Variants in SLF2 observed in about 807,000 individuals in gnomAD.
The protein encoded by SLF2 is SMC5-SMC6 complex localization factor protein 2.
Under a neutral mutation model 124.3 loss-of-function variants are expected in SLF2, and 68 were observed. The observed-to-expected ratio is 0.55, with a 90% CI of 0.45 to 0.67. The LOEUF (loss-of-function observed/expected upper bound fraction) is 0.67, where lower values mean the gene tolerates loss of function less well. SLF2 is among the 30% of genes least tolerant of loss of function. SLF2 has a pLI of 0.00. For missense variants in SLF2, 1,246 were observed against 1,373.7 expected, an observed-to-expected ratio of 0.91 and a Z score of 1.47; for synonymous variants, 480 against 478.8, an observed-to-expected ratio of 1.00 and a Z score of -0.03.
chr10:100,935,670 ACT>A lies in SLF2; in HGVS notation c.2437-1729_2437-1728del, dbSNP rs1482046132. ...ACTCCAGCCTGGGCAACAGAGTGAGACTCTGTCTCAAAAAAAAAAGGTATATT... is the reference window on the plus strand; with the variant it reads ...ACTCCAGCCTGGGCAACAGAGTGAGACTGTCTCAAAAAAAAAAGGTATATT... On this transcript the variant is annotated intron_variant, in intron 9 of 19. Transcript: ENST00000238961. Among the ~76,000 whole-genome samples, 4 of 151,476 alleles carry A rather than the reference ACT, an allele frequency of 2.6e-5. No homozygotes were observed. In the East Asian group the frequency reaches 7.8e-4, roughly 30 times the overall value.
chr10:100,936,193 C>T (rs990874560), intron 9 of SLF2, among the ~76,000 whole-genome samples: 2 of 151,652 alleles, frequency 1.3e-5, no homozygotes, highest in African/African-American at 4.8e-5. Context: ...ATTACACTCA[C>T]CTGAGGCATT....
chr10:100,928,432 T>C (rs1193996460), intron 6 of SLF2, among the ~76,000 whole-genome samples: 1 of 152,196 alleles, frequency 6.6e-6, no homozygotes, highest in African/African-American at 2.4e-5. Context: ...ATCTGTGATA[T>C]GAAATCTGAA....
chr10:100,949,257 A>T (rs1470516003), intron 15 of SLF2, among the ~76,000 whole-genome samples: 2 of 152,236 alleles, frequency 1.3e-5, no homozygotes, highest in African/African-American at 4.8e-5. Flanking sequence ...CCTTCAAAAG[A>T]GATCCGGGGA....
chr10:100,937,147 A>G (rs986345683), intron 9 of SLF2, among the ~76,000 whole-genome samples: 1 of 151,872 alleles, frequency 6.6e-6, no homozygotes, highest in African/African-American at 2.4e-5. Context: ...CCAGTCCTCC[A>G]CTACAGGTGT....
rs767852749 is a variant in SLF2 at position 100,947,048 on chromosome 10, C to G, written c.2944C>G (p.Leu982Val). The change falls in exon 14 of 20, where the codon CTC becomes GTC. Residue 982 changes from leucine (L) to valine (V), a missense_variant. Coordinates refer to ENST00000238961, the MANE Select transcript of SLF2 (RefSeq NM_018121.4). ...TGTTCTTTTTTTTCAGGTGCCTGAA[C>G]TCTGTCTGGGCATAAATGAACTCTC... The part of the protein sequence containing the change: ...IRDWNTKVPE[L>V]CLGINELSSH... The G allele has an allele frequency of 6.2e-7, 1 of 1,613,108 alleles. No individual in the cohort carries two copies. The highest frequency in any genetic ancestry group is 8.5e-7 in the Non-Finnish European group (1 of 1,179,466).
Position 100,956,544 on chromosome 10 carries a change from G to A in SLF2, c.3417+7G>A. On this transcript the variant is annotated splice_region_variant and intron_variant, in intron 18 of 19. Transcript: ENST00000238961. ...ACTTTTTTACAGAACTAAGGTAAGT[G>A]TGTTCTTTCTTTTTTTCTTTTTTTT... 1 of 1,565,504 alleles carries A rather than the reference G, an allele frequency of 6.4e-7. No homozygotes were observed. Among genetic ancestry groups the A allele is most frequent in the Non-Finnish European group, 8.6e-7 (1 of 1,156,926 alleles).
intron 15 of SLF2, among the ~76,000 whole-genome samples, chr10:100,949,797 C>T (rs879911038): frequency 1.3e-5 from 2 of 151,942 alleles, no homozygotes; most frequent in Admixed American, 6.6e-5. Flanking sequence ...GGTTTCTCCA[C>T]GTTGGCCAGG....
intron 1 of SLF2, among the ~76,000 whole-genome samples, chr10:100,914,624 T>C (rs1259705400): frequency 6.6e-6 from 1 of 152,232 alleles, no homozygotes; most frequent in Non-Finnish European, 1.5e-5. Context: ...GGTATCATCC[T>C]TCTTCCCTTT....
intron 4 of SLF2, among the ~76,000 whole-genome samples, chr10:100,920,559 A>G (rs192373757): frequency 6.6e-6 from 1 of 152,340 alleles, no homozygotes; most frequent in East Asian, 1.9e-4. Context: ...TTATACTTCA[A>G]TTGACTAACA....
At position 100,944,044 on chromosome 10, in the gene SLF2, A is replaced by G. The variant is rs1850036991; in HGVS notation, c.2673A>G (p.Thr891=). 1.2e-6 allele frequency: 2 copies of G among 1,612,032 alleles called. No individual in the cohort carries two copies. Among genetic ancestry groups the G allele is most frequent in the Non-Finnish European group, 1.7e-6 (2 of 1,179,288 alleles). Residue 891 remains threonine, a synonymous_variant, in exon 12 of 20, where the codon ACA becomes ACG. Transcript: ENST00000238961. ...EDYLVSETQT[T]SRGKESEDSS... ...TCAATAGTTCTGAAACACAGACAACATCAAGGGGGAAAGAAAGTGAAGATT... is the reference window on the plus strand; with the variant it reads ...TCAATAGTTCTGAAACACAGACAACGTCAAGGGGGAAAGAAAGTGAAGATT...
At chr10:100,954,656 A>G (rs1006788059) in intron 17 of SLF2, among the ~76,000 whole-genome samples, 7 of 152,188 alleles carry the variant, frequency 4.6e-5, no homozygotes, top group Non-Finnish European at 8.8e-5. Context: ...TATAGAAAAA[A>G]AAATAGGCCA....
intron 10 of SLF2, 86 bp from the exon 11 acceptor site, chr10:100,938,509 T>C (rs1849907491): frequency 3.1e-6 from 4 of 1,301,162 alleles, no homozygotes; most frequent in Admixed American, 4.7e-5. Context: ...TTGTAATTAT[T>C]CATGTTTCAC....
rs1452262291 is a variant in SLF2 at position 100,930,004 on chromosome 10, A to G, written c.2333+7A>G. The G allele has an allele frequency of 2.0e-6, 3 of 1,481,696 alleles. No individual in the cohort carries two copies. The highest frequency in any genetic ancestry group is 2.8e-5 in the African/African-American group (2 of 70,366). 91.8% of individuals were successfully genotyped at this position (1,481,696 alleles called of 1,614,324 possible). A position where few individuals can be genotyped will look rare whatever the true frequency, so the allele number is the denominator to read the frequency against. ...TAGAAAAACTTATTCTTAAGTAAGT[A>G]GAAAAATAGACATTTTACTTTTATA... On this transcript the variant is annotated splice_region_variant and intron_variant, in intron 8 of 19. Transcript: ENST00000238961.
intron 4 of SLF2, among the ~76,000 whole-genome samples, chr10:100,922,866 C>G (rs113367292): frequency 6.6e-6 from 1 of 151,534 alleles, no homozygotes; most frequent in African/African-American, 2.4e-5. Flanking sequence ...ACCACCACCT[C>G]CCAGGTTCAA....
At chr10:100,959,209 A>G (rs1347864204) in intron 18 of SLF2, among the ~76,000 whole-genome samples, 8 of 152,220 alleles carry the variant, frequency 5.3e-5, no homozygotes, top group South Asian at 4.1e-4. Flanking sequence ...TAAGCATTCA[A>G]TAGTTTAGAT....
At position 100,924,593 on chromosome 10, in the gene SLF2, C is replaced by A. The variant is rs1371660859; in HGVS notation, c.1592C>A (p.Ala531Asp). 1 of 1,614,064 alleles carries A rather than the reference C, an allele frequency of 6.2e-7. No individual in the cohort carries two copies. Among genetic ancestry groups the A allele is most frequent in the Non-Finnish European group, 8.5e-7 (1 of 1,180,032 alleles). The change falls in exon 5 of 20, where the codon GCC (alanine) becomes GAC (aspartate). Residue 531 changes from alanine (A) to aspartate (D), a missense_variant. This residue lies in a region of SLF2 where 698 missense variants were observed against 708.9 expected (regional missense o/e 0.98). Transcript: ENST00000238961. ...GAACACAAAGCAAAGACTAATAAGG[C>A]CGATTCTAATGTATCTTCAGGGAAA... ...HKEHKAKTNK[A>D]DSNVSSGKIS...
At position 100,962,561 on chromosome 10, in the gene SLF2, C is replaced by G. The variant is rs562393351; in HGVS notation, c.*649C>G. 5 of 152,584 alleles carry G rather than the reference C, an allele frequency of 3.3e-5. No individual in the cohort carries two copies. Among genetic ancestry groups the G allele is most frequent in the African/African-American group, 1.2e-4 (5 of 41,504 alleles). 9.5% of individuals were successfully genotyped at this position (152,584 alleles called of 1,614,324 possible). On this transcript the variant is annotated 3_prime_UTR_variant, in exon 20 of 20. Transcript: ENST00000238961. ...CAAAAGTTTGGCATGTTGTCAGATCCCCTTAAGAGGAAGAGGTTAAGCTGT... is the reference window on the plus strand; with the variant it reads ...CAAAAGTTTGGCATGTTGTCAGATCGCCTTAAGAGGAAGAGGTTAAGCTGT...
chr10:100,959,246 T>C (rs1850385560), intron 18 of SLF2, among the ~76,000 whole-genome samples, 182 bp from the exon 19 acceptor site: 1 of 152,234 alleles, frequency 6.6e-6, no homozygotes, highest in Admixed American at 6.5e-5. Flanking sequence ...GTCTTATTAA[T>C]TTCTATGATT....
At chr10:100,917,369 T>TAA in intron 3 of SLF2, 69 bp downstream of exon 3, 1 of 1,463,112 alleles carries the variant, frequency 6.8e-7, no homozygotes, top group Non-Finnish European at 9.1e-7. Flanking sequence ...AATTTAAAAA[T>TAA]ATTTAAGAGT....
Sources: gnomAD v4.1 joint callset for allele counts (sites outside exome capture counted in the v4.1 genomes callset) on GRCh38, gnomAD v4.1.1 for gene constraint, gnomAD v4.1.1 regional missense constraint, MANE v1.5 for transcripts, NCBI Gene and HGNC (gene_info 2026-07-23, HGNC 2026-07-21) for gene names.